Variants in AKAP6 observed in about 807,000 individuals in gnomAD.
AKAP6 encodes the protein A-kinase anchor protein 6.
A neutral mutation model predicts 188.5 loss-of-function variants in AKAP6; 58 were observed. The ratio of observed to expected loss-of-function variants is 0.31; its 90% CI spans 0.25 to 0.38. The LOEUF is 0.38. Ranked by LOEUF, AKAP6 falls within the 10% of genes least tolerant of loss-of-function variation. The pLI is 1.00. For synonymous variants in AKAP6, 989 were observed against 998.6 expected (o/e 0.99, Z 0.18); for missense variants, 2,710 against 2,740.0 (o/e 0.99, Z 0.24).
At chr14:32,553,910 C>G (rs138960062) in intron 4 of AKAP6, among the ~76,000 whole-genome samples, 2 of 152,200 alleles carry the variant, frequency 1.3e-5, no homozygotes, top group Non-Finnish European at 2.9e-5. Context: ...GGGAACTTCT[C>G]AAGGCCTAAA....
chr14:32,517,110 G>A (rs538761897), intron 2 of AKAP6, among the ~76,000 whole-genome samples: 31 of 152,196 alleles, frequency 2.0e-4, no homozygotes, highest in South Asian at 4.1e-4. Flanking sequence ...AAGACGACCA[G>A]TTGGTTACCT....
intron 12 of AKAP6, among the ~76,000 whole-genome samples, chr14:32,800,414 A>G (rs2033915491): frequency 6.6e-6 from 1 of 151,782 alleles, no homozygotes. Flanking sequence ...AAAGAAAAAG[A>G]AAAAAGCAAT....
At chr14:32,558,717 A>G (rs1281214078) in intron 4 of AKAP6, among the ~76,000 whole-genome samples, 1 of 152,232 alleles carries the variant, frequency 6.6e-6, no homozygotes, top group Non-Finnish European at 1.5e-5. Flanking sequence ...TCGAGGGAAG[A>G]TAGAGGTCGT....
chr14:32,670,009 A>G (rs1889112661), intron 7 of AKAP6, among the ~76,000 whole-genome samples: 1 of 151,794 alleles, frequency 6.6e-6, no homozygotes, highest in South Asian at 2.1e-4. Flanking sequence ...AGGCAGGAGA[A>G]TCGCTTGATC....
At chr14:32,708,838 G>C (rs777225151) in intron 9 of AKAP6, among the ~76,000 whole-genome samples, 7 of 151,914 alleles carry the variant, frequency 4.6e-5, no homozygotes, top group Admixed American at 6.6e-5. Context: ...TTCCTCAGCT[G>C]ACATGCTGCA....
At chr14:32,349,579 C>A (rs1594527381) in intron 1 of AKAP6, among the ~76,000 whole-genome samples, 5 of 152,250 alleles carry the variant, frequency 3.3e-5, no homozygotes, top group African/African-American at 1.2e-4. Flanking sequence ...GCTGGAAATT[C>A]CAAATTTATT....
chr14:32,372,950 T>C (rs1051826569), intron 1 of AKAP6, among the ~76,000 whole-genome samples: 4 of 152,128 alleles, frequency 2.6e-5, no homozygotes, highest in Admixed American at 2.6e-4. Context: ...GTGGTTGAAG[T>C]ACTATTGCTA....
At chr14:32,712,741 A>G (rs192338529) in intron 9 of AKAP6, among the ~76,000 whole-genome samples, 102 of 152,140 alleles carry the variant, frequency 6.7e-4, no homozygotes, top group African/African-American at 2.4e-3. Flanking sequence ...TCTACCTCCA[A>G]TTCTAGTTCT....
At chr14:32,576,938 A>T (rs1884745546) in intron 4 of AKAP6, among the ~76,000 whole-genome samples, 182 bp from the exon 5 acceptor site, 1 of 152,164 alleles carries the variant, frequency 6.6e-6, no homozygotes, top group African/African-American at 2.4e-5. Context: ...CATTTTGGTA[A>T]GAGTTCAGGT....
chr14:32,500,236 G>T (rs1880539316), intron 2 of AKAP6, among the ~76,000 whole-genome samples: 1 of 152,162 alleles, frequency 6.6e-6, no homozygotes, highest in South Asian at 2.1e-4. Context: ...CAATGATCTT[G>T]CTAACAAAAT....
At chr14:32,338,913 C>A (rs1214697963) in intron 1 of AKAP6, among the ~76,000 whole-genome samples, 1 of 152,120 alleles carries the variant, frequency 6.6e-6, no homozygotes, top group African/African-American at 2.4e-5. Flanking sequence ...AATTTCTCCT[C>A]AACTCCAGCC....
At chr14:32,330,127 C>T (rs1886485331) in intron 1 of AKAP6, among the ~76,000 whole-genome samples, 1 of 152,030 alleles carries the variant, frequency 6.6e-6, no homozygotes, top group Non-Finnish European at 1.5e-5. Flanking sequence ...GAGAAAGGAA[C>T]AAGTCTCCTC....
At chr14:32,452,352 G>A (rs541645863) in intron 2 of AKAP6, among the ~76,000 whole-genome samples, 7 of 152,202 alleles carry the variant, frequency 4.6e-5, no homozygotes, top group South Asian at 2.1e-4. Context: ...AATTTTTAAC[G>A]CTGCATATTA....
rs546853688 is a variant in AKAP6, at chr14:32,364,481, G to C, written c.-35+35073G>C. 2.8e-4 allele frequency among the ~76,000 whole-genome samples: 42 copies of C among 152,250 alleles called. 1 individual carries two copies. The highest frequency in any genetic ancestry group is 9.9e-4 in the African/African-American group (41 of 41,564). On this transcript the variant is annotated intron_variant, in intron 1 of 13. Coordinates refer to ENST00000280979, the MANE Select transcript of AKAP6 (RefSeq NM_004274.5). ...AGTTCCCTACCCAATTTGTTGAAAG[G>C]GGGGTAGTGGGATTATTTTGGTGAA...
intron 7 of AKAP6, among the ~76,000 whole-genome samples, chr14:32,671,468 A>G (rs1265198934): frequency 6.6e-6 from 1 of 151,880 alleles, no homozygotes; most frequent in East Asian, 1.9e-4. Flanking sequence ...ATTGGCGGCA[A>G]TGGATTATTT....
At chr14:32,764,099 T>C (rs1162396466) in intron 11 of AKAP6, among the ~76,000 whole-genome samples, 1 of 152,180 alleles carries the variant, frequency 6.6e-6, no homozygotes, top group Non-Finnish European at 1.5e-5. Context: ...TTTCCTACCT[T>C]TTTAATCTCT....
At chr14:32,366,871 T>A (rs1340941777) in intron 1 of AKAP6, among the ~76,000 whole-genome samples, 1 of 152,174 alleles carries the variant, frequency 6.6e-6, no homozygotes. Flanking sequence ...GACAGACTTA[T>A]GCAAGGTTAT....
chr14:32,796,448 A>C (rs2033771231), intron 12 of AKAP6, among the ~76,000 whole-genome samples: 1 of 152,180 alleles, frequency 6.6e-6, no homozygotes, highest in Non-Finnish European at 1.5e-5. Flanking sequence ...AGATCAATGG[A>C]ACAGAATAGA....
At chr14:32,543,433 A>G (rs1338271566) in intron 3 of AKAP6, among the ~76,000 whole-genome samples, 1 of 152,080 alleles carries the variant, frequency 6.6e-6, no homozygotes, top group Non-Finnish European at 1.5e-5. Flanking sequence ...CATTTTCTTT[A>G]TCCATTCACC....
Sources: gnomAD v4.1 joint callset for allele counts (sites outside exome capture counted in the v4.1 genomes callset) on GRCh38, gnomAD v4.1.1 for gene constraint, MANE v1.5 for transcripts, NCBI Gene and HGNC (gene_info 2026-07-23, HGNC 2026-07-21) for gene names.